GRK5: variants seen among roughly 807,000 people sequenced by gnomAD.
GRK5 encodes G protein-coupled receptor kinase 5.
Under a neutral mutation model 78.4 loss-of-function variants are expected in GRK5, and 40 were observed. The observed-to-expected ratio is 0.51, with a 90% CI of 0.40 to 0.66. GRK5 has a LOEUF of 0.66. Ranked by LOEUF, GRK5 falls within the 30% of genes least tolerant of loss-of-function variation. GRK5 has a pLI of 0.00. For missense variants in GRK5, 598 were observed against 759.9 expected (o/e 0.79, Z 2.50); for synonymous variants, 289 against 296.8 (o/e 0.97, Z 0.27).
intron 13 of GRK5, among the ~76,000 whole-genome samples, chr10:119,451,202 C>T (rs59786009): frequency 0.16 from 24,610 of 150,434 alleles, 2,373 homozygotes; most frequent in East Asian, 0.31. Context: ...TCCTAAACCA[C>T]GAGCACTGTG....
chr10:119,290,368 A>C (rs1397498545), intron 1 of GRK5, among the ~76,000 whole-genome samples: 6 of 104,958 alleles, frequency 5.7e-5, no homozygotes, highest in Admixed American at 1.0e-4. Flanking sequence ...AAAAAACAAA[A>C]AACAACTCTG....
intron 2 of GRK5, among the ~76,000 whole-genome samples, chr10:119,364,728 G>A (rs957639424): frequency 6.6e-6 from 1 of 152,182 alleles, no homozygotes; most frequent in African/African-American, 2.4e-5. Flanking sequence ...TTTAAAGTTT[G>A]CCTGTCTCTG....
intron 1 of GRK5, among the ~76,000 whole-genome samples, chr10:119,323,395 G>C (rs1850619219): frequency 6.6e-6 from 1 of 152,240 alleles, no homozygotes; most frequent in Non-Finnish European, 1.5e-5. Flanking sequence ...TGGGGAGCAG[G>C]GGATGGACCC....
At chr10:119,255,688 C>T (rs1182035371) in intron 1 of GRK5, among the ~76,000 whole-genome samples, 2 of 152,220 alleles carry the variant, frequency 1.3e-5, no homozygotes, top group African/African-American at 2.4e-5. Context: ...CCTGCTGCCC[C>T]CTGTCCTGGT....
intron 3 of GRK5, among the ~76,000 whole-genome samples, chr10:119,394,324 GTATCT>G (rs1851970380): frequency 9.0e-6 from 1 of 111,500 alleles, no homozygotes. Context: ...GTGGGTGTGT[GTATCT>G]GTGTGTCTGT....
At chr10:119,327,680 G>T (rs368107580) in intron 2 of GRK5, among the ~76,000 whole-genome samples, 4 of 152,262 alleles carry the variant, frequency 2.6e-5, no homozygotes, top group South Asian at 4.1e-4. Flanking sequence ...GGGCCGGGGG[G>T]ACTTACCTGC....
At position 119,443,529 on chromosome 10, in the gene GRK5, C is replaced by G. The variant is rs955591167; in HGVS notation, c.1058-15C>G. On this transcript the variant is annotated splice_polypyrimidine_tract_variant and intron_variant, in intron 11 of 15. Transcript: ENST00000392870. Reference sequence around the variant, plus strand: ...TCCCTCCTCCTCACTCCTCTCTCCTCTCCTCTGCCCCCAGCTCCAGAGGTC... The same window carrying G: ...TCCCTCCTCCTCACTCCTCTCTCCTGTCCTCTGCCCCCAGCTCCAGAGGTC... 1.9e-6 allele frequency: 3 copies of G among 1,593,526 alleles called. No individual in the cohort carries two copies. The highest frequency in any genetic ancestry group is 2.6e-6 in the Non-Finnish European group (3 of 1,163,392).
chr10:119,239,023 G>T (rs957866163), intron 1 of GRK5, among the ~76,000 whole-genome samples: 1 of 152,072 alleles, frequency 6.6e-6, no homozygotes, highest in Admixed American at 6.5e-5. Flanking sequence ...TAAATGACAT[G>T]TGCAACCTTC....
chr10:119,317,474 C>G (rs757580429), intron 1 of GRK5, among the ~76,000 whole-genome samples: 3 of 151,862 alleles, frequency 2.0e-5, no homozygotes, highest in Non-Finnish European at 4.4e-5. Context: ...GGAAGCGGCC[C>G]CTGAGGCTGT....
chr10:119,250,817 A>G (rs1336749153), intron 1 of GRK5, among the ~76,000 whole-genome samples: 1 of 152,170 alleles, frequency 6.6e-6, no homozygotes, highest in Admixed American at 6.5e-5. Context: ...GTATGTTACT[A>G]TATTTTTCAT....
chr10:119,282,192 C>T (rs1849773671), intron 1 of GRK5, among the ~76,000 whole-genome samples: 1 of 152,206 alleles, frequency 6.6e-6, no homozygotes, highest in Admixed American at 6.5e-5. Context: ...CCCCCACTCA[C>T]ATTTTGGGGC....
At chr10:119,294,824 A>G (rs1850049991) in intron 1 of GRK5, among the ~76,000 whole-genome samples, 1 of 152,196 alleles carries the variant, frequency 6.6e-6, no homozygotes, top group East Asian at 1.9e-4. Context: ...CTCCAATGGC[A>G]GAACAGGGTA....
chr10:119,242,225 A>G (rs1322064931), intron 1 of GRK5, among the ~76,000 whole-genome samples: 2 of 152,062 alleles, frequency 1.3e-5, no homozygotes, highest in African/African-American at 4.8e-5. Context: ...ACACCCTATT[A>G]AAGAAGAATA....
chr10:119,421,085 G>A (rs186717357), intron 4 of GRK5, among the ~76,000 whole-genome samples: 54 of 152,258 alleles, frequency 3.5e-4, no homozygotes, highest in African/African-American at 1.2e-3. Context: ...TTGCTGACTC[G>A]CACCAGGCTC....
chr10:119,248,638 G>A (rs1244711987), intron 1 of GRK5, among the ~76,000 whole-genome samples: 1 of 151,946 alleles, frequency 6.6e-6, no homozygotes, highest in East Asian at 1.9e-4. Flanking sequence ...TAGCCTCCAT[G>A]GCAAATCCAC....
At chr10:119,352,293 G>A (rs777730984) in intron 2 of GRK5, among the ~76,000 whole-genome samples, 1 of 152,142 alleles carries the variant, frequency 6.6e-6, no homozygotes, top group Non-Finnish European at 1.5e-5. Context: ...CAATATTCTT[G>A]TTCCAAAGAA....
At chr10:119,249,834 A>T (rs918075990) in intron 1 of GRK5, among the ~76,000 whole-genome samples, 15 of 152,208 alleles carry the variant, frequency 9.9e-5, no homozygotes, top group African/African-American at 3.1e-4. Flanking sequence ...AAAAAAGTTT[A>T]CTATTACTGT....
At chr10:119,286,786 G>A (rs970687736) in intron 1 of GRK5, among the ~76,000 whole-genome samples, 1 of 152,258 alleles carries the variant, frequency 6.6e-6, no homozygotes, top group Non-Finnish European at 1.5e-5. Context: ...GGTGGAAAAG[G>A]TGGGGAGGTG....
chr10:119,209,487 G>GTTTTT (rs60169912), intron 1 of GRK5, among the ~76,000 whole-genome samples: 8 of 98,910 alleles, frequency 8.1e-5, no homozygotes, highest in African/African-American at 1.8e-4. Context: ...TGTGTGTGTG[G>GTTTTT]TTTTTTTTTT....
Sources: allele counts gnomAD v4.1 joint callset (sites outside exome capture counted in the v4.1 genomes callset), GRCh38; gene constraint gnomAD v4.1.1; transcripts MANE v1.5; gene names NCBI Gene and HGNC (gene_info 2026-07-23, HGNC 2026-07-21).